Variants in NSL1 observed in about 807,000 individuals in gnomAD.
NSL1 encodes NSL1 component of MIS12 kinetochore complex.
In NSL1, 11 loss-of-function variants were observed where a neutral mutation model predicts 25.4. The observed-to-expected ratio is 0.43, with a 90% CI of 0.27 to 0.72. NSL1 has a LOEUF of 0.72. NSL1 is among the 30% of genes least tolerant of loss of function. NSL1 has a pLI of 0.19. For synonymous variants in NSL1, 118 were observed against 120.6 expected, an observed-to-expected ratio of 0.98 and a Z score of 0.14; for missense variants, 330 against 342.7, an observed-to-expected ratio of 0.96 and a Z score of 0.29.
rs1251351030 is a variant in NSL1, at chr1:212,736,787, A to G, written c.*1621T>C. 4.1e-6 allele frequency: 4 copies of G among 985,044 alleles called. No homozygotes were observed. Among genetic ancestry groups the G allele is most frequent in the Admixed American group, 6.1e-5 (1 of 16,264 alleles). 61.0% of individuals were successfully genotyped at this position (985,044 alleles called of 1,614,324 possible). A position where few individuals can be genotyped will look rare whatever the true frequency, so the allele number is the denominator to read the frequency against. On this transcript the variant is annotated 3_prime_UTR_variant, in exon 6 of 6. Coordinates refer to ENST00000366977, the MANE Select transcript of NSL1 (RefSeq NM_015471.4). ...AACAGGATTTTTGTCACATTTCCTT[A>G]ATCGATTCCTTGTTTCTCTGCTGAA...
At position 212,734,776 on chromosome 1, in the gene NSL1, A is replaced by G. The variant is rs752372824; in HGVS notation, c.*3632T>C. ...CTGCTCAAATGCCACCTCTTCTACA[A>G]AGACTTCCATGACTACTCCCCTAAG... On this transcript the variant is annotated 3_prime_UTR_variant, in exon 6 of 6. Coordinates refer to ENST00000366977, the MANE Select transcript of NSL1 (RefSeq NM_015471.4). Among the ~76,000 whole-genome samples, 5 of 152,192 alleles carry G rather than the reference A, an allele frequency of 3.3e-5. No homozygotes were observed. The highest frequency in any genetic ancestry group is 1.2e-4 in the African/African-American group (5 of 41,440).
At position 212,790,278 on chromosome 1, in the gene NSL1, C is replaced by T. The variant is rs539511900; in HGVS notation, c.234+1252G>A. Among the ~76,000 whole-genome samples, 42 of 152,192 alleles carry T rather than the reference C, an allele frequency of 2.8e-4. No homozygotes were observed. The South Asian group carries it at 6.4e-3, about 23-fold the overall frequency. ...TCCTGACCTCGTGATCCGCCCGCCT[C>T]GGCCTCCCAAAGTGCTGGGATTACA... On this transcript the variant is annotated intron_variant, in intron 1 of 5. Transcript: ENST00000366977.
Position 212,768,564 on chromosome 1 carries a change from A to T in NSL1, c.499+13808T>A, listed in dbSNP as rs550040570. Among the ~76,000 whole-genome samples, 379 of 152,334 alleles carry T rather than the reference A, an allele frequency of 2.5e-3. 4 individuals are homozygous for T. Among genetic ancestry groups the T allele is most frequent in the Non-Finnish European group, 1.2e-3 (81 of 68,044 alleles). ...TCATAAAAAAGAACAAAATAATAGC[A>T]TTCGCAGCAACCTGGATGGAGTTGG... On this transcript the variant is annotated intron_variant, in intron 4 of 5. Coordinates refer to ENST00000366977, the MANE Select transcript of NSL1 (RefSeq NM_015471.4).
intron 4 of NSL1, among the ~76,000 whole-genome samples, chr1:212,750,860 G>A (rs1055776481): frequency 4.6e-5 from 7 of 152,218 alleles, no homozygotes; most frequent in Admixed American, 1.3e-4. Flanking sequence ...AGGATGGCTT[G>A]AACCTGAGAG....
chr1:212,786,261 T>C (rs146594120), intron 2 of NSL1, among the ~76,000 whole-genome samples: 2 of 152,278 alleles, frequency 1.3e-5, no homozygotes, highest in East Asian at 1.9e-4. Flanking sequence ...GTAGTATACA[T>C]TGTGAAAGTA....
At position 212,736,380 on chromosome 1, in the gene NSL1, A is replaced by G; in HGVS notation, c.*2028T>C. 5.1e-6 allele frequency: 5 copies of G among 985,258 alleles called. No homozygotes were observed. In the South Asian group the frequency reaches 1.9e-4, roughly 37 times the overall value. 61.0% of individuals were successfully genotyped at this position (985,258 alleles called of 1,614,324 possible). The stretch of plus-strand genomic sequence containing the variant: ...CTATTCAATCCAGACTCTTTTTATC[A>G]TAGAGCAAGATTTGATTTTCAATTT... On this transcript the variant is annotated 3_prime_UTR_variant, in exon 6 of 6. Coordinates refer to ENST00000366977, the MANE Select transcript of NSL1 (RefSeq NM_015471.4).
intron 4 of NSL1, among the ~76,000 whole-genome samples, chr1:212,755,053 G>A (rs1195403491): frequency 1.3e-5 from 2 of 152,054 alleles, no homozygotes; most frequent in African/African-American, 2.4e-5. Flanking sequence ...AAAAATTCTA[G>A]TCAAGAAGCA....
intron 4 of NSL1, among the ~76,000 whole-genome samples, chr1:212,776,317 C>T (rs187860175): frequency 2.6e-5 from 4 of 151,616 alleles, no homozygotes; most frequent in Non-Finnish European, 5.9e-5. Flanking sequence ...GAACCAAGAT[C>T]GCGCCATTGC....
chr1:212,752,634 C>A (rs1299466998), intron 4 of NSL1, among the ~76,000 whole-genome samples: 2 of 151,986 alleles, frequency 1.3e-5, no homozygotes, highest in African/African-American at 4.8e-5. Context: ...CAAATGAGAC[C>A]ACATCTTATT....
At position 212,760,385 on chromosome 1, in the gene NSL1, G is replaced by A. The variant is rs1337643130; in HGVS notation, c.500-20784C>T. Among the ~76,000 whole-genome samples the A allele has an allele frequency of 1.3e-5, 2 of 152,106 alleles. No individual in the cohort carries two copies. Among genetic ancestry groups the A allele is most frequent in the African/African-American group, 2.4e-5 (1 of 41,398 alleles). On this transcript the variant is annotated intron_variant, in intron 4 of 5. Coordinates refer to ENST00000366977, the MANE Select transcript of NSL1 (RefSeq NM_015471.4). The surrounding 1 kb of genome is among the most constrained non-coding windows in gnomAD (Gnocchi z 4.3). ...ATTCTGTCTGTTGCTGTGGGCAGGT[G>A]CACACACTCAGCCATCAAGGGGCCT...
At chr1:212,771,112 G>A (rs10863995) in intron 4 of NSL1, among the ~76,000 whole-genome samples, 44,889 of 151,984 alleles carry the variant, frequency 0.3, 8,405 homozygotes, top group Non-Finnish European at 0.4. Context: ...TTGGGAGTAC[G>A]AGACCAGCCT....
At chr1:212,779,879 T>C (rs1337929351) in intron 4 of NSL1, among the ~76,000 whole-genome samples, 1 of 109,824 alleles carries the variant, frequency 9.1e-6, no homozygotes, top group African/African-American at 3.7e-5. Context: ...GGGAGGGAGG[T>C]GGGGGGGTCA....
intron 2 of NSL1, among the ~76,000 whole-genome samples, chr1:212,786,805 A>G (rs1332853520): frequency 6.6e-6 from 1 of 152,066 alleles, no homozygotes; most frequent in Non-Finnish European, 1.5e-5. Context: ...AACTCTGTCT[A>G]AAAAGAAAGA....
At chr1:212,783,327 A>G (rs1169489858) in intron 3 of NSL1, among the ~76,000 whole-genome samples, 3 of 152,156 alleles carry the variant, frequency 2.0e-5, no homozygotes, top group Non-Finnish European at 2.9e-5. Context: ...TAACAAGGGC[A>G]ACACTGAAAA....
chr1:212,755,398 T>A (rs911300172), intron 4 of NSL1, among the ~76,000 whole-genome samples: 18 of 151,730 alleles, frequency 1.2e-4, no homozygotes, highest in African/African-American at 4.4e-4. Flanking sequence ...AAAAGAGGAA[T>A]CTAGCAAAAC....
In NSL1 at chr1:212,731,923, C is replaced by A. The variant is rs558604415; in HGVS notation, c.*6485G>T. 3.0e-6 allele frequency: 3 copies of A among 985,418 alleles called. No homozygotes were observed. The African/African-American group carries it at 5.2e-5, about 17-fold the overall frequency. The allele number at this position is 985,418 out of a possible 1,614,324, so 61.0% of individuals were successfully genotyped here. A position where few individuals can be genotyped will look rare whatever the true frequency, so the allele number is the denominator to read the frequency against. Reference sequence around the variant, plus strand: ...AGGACCCAGCAGCTATAAGGGCCTCCACACCCCACCTTACTGCTTTAACCA... The same window carrying A: ...AGGACCCAGCAGCTATAAGGGCCTCAACACCCCACCTTACTGCTTTAACCA... On this transcript the variant is annotated 3_prime_UTR_variant, in exon 6 of 6. Transcript: ENST00000366977.
intron 1 of NSL1, among the ~76,000 whole-genome samples, chr1:212,789,413 T>C (rs1010483281): frequency 6.6e-6 from 1 of 152,210 alleles, no homozygotes; most frequent in Non-Finnish European, 1.5e-5. Flanking sequence ...GGTTTCACCG[T>C]GTTGGCCAGG....
rs1657908998 is a variant in NSL1 at position 212,729,252 on chromosome 1, C to T, written c.*9156G>A. The T allele has an allele frequency of 3.0e-6, 3 of 985,326 alleles. No homozygotes were observed. Among genetic ancestry groups the T allele is most frequent in the Non-Finnish European group, 2.4e-6 (2 of 829,938 alleles). 61.0% of individuals were successfully genotyped at this position (985,326 alleles called of 1,614,324 possible). ...GCAGAAGTGCAGGTTTGCTTGGGCT[C>T]CTAGCCTCTCCCTCAGCTCCCTCTT... is the stretch of plus-strand genomic sequence containing the variant. On this transcript the variant is annotated 3_prime_UTR_variant, in exon 6 of 6. Transcript: ENST00000366977.
At chr1:212,790,979 C>T (rs1464512880) in intron 1 of NSL1, among the ~76,000 whole-genome samples, 1 of 151,928 alleles carries the variant, frequency 6.6e-6, no homozygotes. Context: ...AAGGAAAGAT[C>T]AAATGCTGCT....
Sources: gnomAD v4.1 joint callset for allele counts (sites outside exome capture counted in the v4.1 genomes callset) on GRCh38, gnomAD v4.1.1 for gene constraint, Gnocchi (gnomAD v3.1) non-coding constraint, MANE v1.5 for transcripts, NCBI Gene and HGNC (gene_info 2026-07-23, HGNC 2026-07-21) for gene names.